The following GABARAP variants were observed in gnomAD, a reference collection of about 807,000 sequenced individuals.
GABARAP encodes the protein gamma-aminobutyric acid receptor-associated protein.
GABARAP carries 5 observed loss-of-function variants against 16.7 expected under a neutral mutation model. That is an observed-to-expected ratio of 0.30 (90% confidence interval 0.16 to 0.63). The LOEUF (loss-of-function observed/expected upper bound fraction) is 0.63. Ranked by LOEUF, GABARAP falls within the 20% of genes least tolerant of loss-of-function variation. GABARAP has a pLI of 0.82. For synonymous variants in GABARAP, 45 were observed against 52.7 expected (o/e 0.85, Z 0.64); for missense variants, 84 against 146.6 (o/e 0.57, Z 2.21).
chr17:7,241,040 C>A (rs907451703), intron 3 of GABARAP, 121 bp from the exon 4 acceptor site: 3 of 745,278 alleles, frequency 4.0e-6, no homozygotes, highest in African/African-American at 3.5e-5. Context: ...ACTCCAAGGC[C>A]TACCACACGA....
At chr17:7,241,946 G>A in intron 1 of GABARAP, 1 of 594,758 alleles carries the variant, frequency 1.7e-6, no homozygotes, top group Non-Finnish European at 3.0e-6. Flanking sequence ...GTCGACTAGT[G>A]ATTCAATCTC....
rs2071767078 is a variant in GABARAP at position 7,240,738 on chromosome 17, T to G, written c.*116A>C. 6.9e-6 allele frequency: 5 copies of G among 720,456 alleles called. No homozygotes were observed. Among genetic ancestry groups the G allele is most frequent in the Non-Finnish European group, 1.0e-5 (4 of 399,406 alleles). 44.6% of individuals were successfully genotyped at this position (720,456 alleles called of 1,614,324 possible). A position where few individuals can be genotyped will look rare whatever the true frequency, so the allele number is the denominator to read the frequency against. On this transcript the variant is annotated 3_prime_UTR_variant, in exon 4 of 4. Coordinates refer to ENST00000302386, the MANE Select transcript of GABARAP (RefSeq NM_007278.2). Reference sequence around the variant, plus strand: ...AGAGAAAGCCACAAACATTAAGAAGTGCCGGTCCTGAATAAGGGAGGTGGT... The same window carrying G: ...AGAGAAAGCCACAAACATTAAGAAGGGCCGGTCCTGAATAAGGGAGGTGGT...
Position 7,242,383 on chromosome 17 carries a change from G to C in GABARAP, c.-53C>G. 1 of 1,378,402 alleles carries C rather than the reference G, an allele frequency of 7.3e-7. No individual in the cohort carries two copies. Among genetic ancestry groups the C allele is most frequent in the Non-Finnish European group, 1.0e-6 (1 of 975,660 alleles). 85.4% of individuals were successfully genotyped at this position (1,378,402 alleles called of 1,614,324 possible). A position where few individuals can be genotyped will look rare whatever the true frequency, so the allele number is the denominator to read the frequency against. Reference sequence around the variant, plus strand: ...TGGGCTGAGGGAACCCAGGGGGGCCGGGACGGGGGGCGGCGACGACGGCGG... The same window carrying C: ...TGGGCTGAGGGAACCCAGGGGGGCCCGGACGGGGGGCGGCGACGACGGCGG... On this transcript the variant is annotated 5_prime_UTR_variant, in exon 1 of 4. Coordinates refer to ENST00000302386, the MANE Select transcript of GABARAP (RefSeq NM_007278.2).
At chr17:7,241,015 C>G in intron 3 of GABARAP, 96 bp from the exon 4 acceptor site, 2 of 825,784 alleles carry the variant, frequency 2.4e-6, no homozygotes, top group South Asian at 2.8e-5. Context: ...AAACCATTGC[C>G]TGACTCCTTC....
rs531213559 is a variant in GABARAP at position 7,241,036 on chromosome 17, A to G, written c.289-117T>C. The G allele has an allele frequency of 1.1e-5, 8 of 755,972 alleles. No homozygotes were observed. In the East Asian group the frequency reaches 1.2e-4, roughly 12 times the overall value. The allele number at this position is 755,972 out of a possible 1,614,324, so 46.8% of individuals were successfully genotyped here. The stretch of plus-strand genomic sequence containing the variant: ...TTGCCTGACTCCTTCACTGACTCCA[A>G]GGCCTACCACACGAGCAGTATAATC... On this transcript the variant is annotated intron_variant, in intron 3 of 3. Transcript: ENST00000302386.
Position 7,241,432 on chromosome 17 carries a change from C to T in GABARAP, c.198G>A (p.Lys66=). 2.5e-6 allele frequency: 4 copies of T among 1,598,126 alleles called. No individual in the cohort carries two copies. Among genetic ancestry groups the T allele is most frequent in the Non-Finnish European group, 3.4e-6 (4 of 1,165,388 alleles). The change falls in exon 3 of 4, where the codon AAG becomes AAA. Residue 66 remains lysine (K), a synonymous_variant. Coordinates refer to ENST00000302386, the MANE Select transcript of GABARAP (RefSeq NM_007278.2). ...TVGQFYFLIR[K]RIHLRAEDAL... ...CATCCTCAGCTCGGAGATGAATTCG[C>T]TTCCGGATCAAGAAGTAGAACTGAC... is the stretch of plus-strand genomic sequence containing the variant.
chr17:7,241,763 A>G, intron 1 of GABARAP, 84 bp from the exon 2 acceptor site: 1 of 868,440 alleles, frequency 1.2e-6, no homozygotes, highest in Non-Finnish European at 2.0e-6. Flanking sequence ...CAATATTCCT[A>G]GCACCTAAAT....
chr17:7,241,749 G>A, intron 1 of GABARAP, 70 bp from the exon 2 acceptor site: 1 of 935,514 alleles, frequency 1.1e-6, no homozygotes, highest in East Asian at 2.4e-5. Context: ...AAGAACTCAA[G>A]AAACAATATT....
chr17:7,241,205 C>T (rs2071774679), intron 3 of GABARAP, 137 bp downstream of exon 3: 1 of 715,142 alleles, frequency 1.4e-6, no homozygotes, highest in South Asian at 1.6e-5. Context: ...TGTCCAAACC[C>T]CCAACCCACG....
In GABARAP at chr17:7,242,412, C is replaced by G; in HGVS notation, c.-82G>C. The G allele has an allele frequency of 9.9e-7, 1 of 1,011,932 alleles. No individual in the cohort carries two copies. The highest frequency in any genetic ancestry group is 1.5e-6 in the Non-Finnish European group (1 of 647,354). 62.7% of individuals were successfully genotyped at this position (1,011,932 alleles called of 1,614,324 possible). A position where few individuals can be genotyped will look rare whatever the true frequency, so the allele number is the denominator to read the frequency against. The stretch of plus-strand genomic sequence containing the variant: ...CGGGGGGCGGCGACGACGGCGGCGA[C>G]GCGCGGGCGGATTCAGCGGAGCGAT... On this transcript the variant is annotated 5_prime_UTR_variant, in exon 1 of 4. Transcript: ENST00000302386.
rs754331465 is a variant in GABARAP, at chr17:7,242,241, C to T, written c.90G>A (p.Pro30=). The change falls in exon 1 of 4, where the codon CCG becomes CCA. Residue 30 remains proline, a splice_region_variant and synonymous_variant. Transcript: ENST00000302386. Reference sequence around the variant, plus strand: ...CCTCGGCCCTGGCTACTGTCCTCACCGGCACCCGGTCCGGGTATTTCTTTC... The same window carrying T: ...CCTCGGCCCTGGCTACTGTCCTCACTGGCACCCGGTCCGGGTATTTCTTTC... The part of the protein sequence containing the change: ...KIRKKYPDRV[P]VIVEKAPKAR... 4 of 1,610,108 alleles carry T rather than the reference C, an allele frequency of 2.5e-6. No individual in the cohort carries two copies. Among genetic ancestry groups the T allele is most frequent in the Admixed American group, 1.7e-5 (1 of 59,994 alleles).
intron 3 of GABARAP, among the ~76,000 whole-genome samples, 190 bp from the exon 4 acceptor site, chr17:7,241,109 G>A (rs1464031627): frequency 6.6e-6 from 1 of 152,180 alleles, no homozygotes; most frequent in South Asian, 2.1e-4. Flanking sequence ...TGCTGCTTTG[G>A]AATGGGGAGG....
chr17:7,241,538 C>G lies in GABARAP; in HGVS notation c.169+63G>C. The G allele has an allele frequency of 2.2e-6, 3 of 1,361,796 alleles. No individual in the cohort carries two copies. The South Asian group carries it at 3.5e-5, about 16-fold the overall frequency. 84.4% of individuals were successfully genotyped at this position (1,361,796 alleles called of 1,614,324 possible). A position where few individuals can be genotyped will look rare whatever the true frequency, so the allele number is the denominator to read the frequency against. On this transcript the variant is annotated intron_variant, in intron 2 of 3. Transcript: ENST00000302386. ...AAGAACAGCTGCTAGGTGGAGCCTC[C>G]TCCCGCAGAGACTGCACTCCCACCC...
intron 1 of GABARAP, 187 bp from the exon 2 acceptor site, chr17:7,241,866 C>A: frequency 1.6e-6 from 1 of 607,836 alleles, no homozygotes; most frequent in Non-Finnish European, 2.9e-6. Flanking sequence ...ATTTAAATAT[C>A]CAGGATCCAT....
Position 7,241,631 on chromosome 17 carries a change from T to C in GABARAP, c.139A>G (p.Lys47Glu). ...PKARIGDLDK[K>E]KYLVPSDLTV... ...AGATCAGAAGGCACCAGGTATTTCT[T>C]TTTGTCCAGGTCTCCTATCCGAGCT... The change falls in exon 2 of 4, where the codon AAG (lysine) becomes GAG (glutamate). Residue 47 changes from lysine to glutamate, a missense_variant. Lys to Glu is a moderately conservative substitution (Grantham distance 56). Coordinates refer to ENST00000302386, the MANE Select transcript of GABARAP (RefSeq NM_007278.2). 1 of 1,612,740 alleles carries C rather than the reference T, an allele frequency of 6.2e-7. No individual in the cohort carries two copies. Among genetic ancestry groups the C allele is most frequent in the Non-Finnish European group, 8.5e-7 (1 of 1,178,788 alleles).
At position 7,242,339 on chromosome 17, in the gene GABARAP, G is replaced by C. The variant is rs1176892961; in HGVS notation, c.-9C>G. 1.2e-6 allele frequency: 2 copies of C among 1,607,990 alleles called. No homozygotes were observed. The highest frequency in any genetic ancestry group is 8.5e-7 in the Non-Finnish European group (1 of 1,174,624). On this transcript the variant is annotated 5_prime_UTR_variant, in exon 1 of 4. Coordinates refer to ENST00000302386, the MANE Select transcript of GABARAP (RefSeq NM_007278.2). ...TTGTACACGAACTTCATCCTCCCGG[G>C]AACCGGGCTGGACAGGGCTGGGCTG...
At chr17:7,241,960 A>G in intron 1 of GABARAP, 1 of 595,548 alleles carries the variant, frequency 1.7e-6, no homozygotes, top group Non-Finnish European at 3.0e-6. Context: ...CAATCTCGCA[A>G]CCTTAGCTAG....
At chr17:7,241,122 G>C (rs1871319795) in intron 3 of GABARAP, 1 of 678,502 alleles carries the variant, frequency 1.5e-6, no homozygotes, top group Admixed American at 2.3e-5. Flanking sequence ...TGGGGAGGGG[G>C]ACTGGGAAGA....
rs2071762181 is a variant in GABARAP at position 7,240,263 on chromosome 17, A to G, written c.*591T>C. 6.6e-6 allele frequency: 1 copy of G among 152,440 alleles called. No individual in the cohort carries two copies. Among genetic ancestry groups the G allele is most frequent in the Non-Finnish European group, 1.5e-5 (1 of 68,046 alleles). 9.4% of individuals were successfully genotyped at this position (152,440 alleles called of 1,614,324 possible). Reference sequence around the variant, plus strand: ...ACAAAAGCACCCTCTTTTTGCAGACAGGGAAAAGCCCAACATGAACAGAAT... The same window carrying G: ...ACAAAAGCACCCTCTTTTTGCAGACGGGGAAAAGCCCAACATGAACAGAAT... On this transcript the variant is annotated 3_prime_UTR_variant, in exon 4 of 4. Transcript: ENST00000302386.
Sources: allele counts gnomAD v4.1 joint callset (sites outside exome capture counted in the v4.1 genomes callset), GRCh38; gene constraint gnomAD v4.1.1; transcripts MANE v1.5; gene names NCBI Gene and HGNC (gene_info 2026-07-23, HGNC 2026-07-21).